Variants in FRMD6 observed in about 807,000 individuals in gnomAD.
FRMD6 encodes FERM domain-containing protein 6.
FRMD6 carries 37 observed loss-of-function variants against 73.2 expected under a neutral mutation model. The observed-to-expected ratio is 0.51, with a 90% CI of 0.39 to 0.66. The LOEUF (loss-of-function observed/expected upper bound fraction) is 0.66, where lower values mean the gene tolerates loss of function less well. Ranked by LOEUF, FRMD6 falls within the 30% of genes least tolerant of loss-of-function variation. The pLI, the probability that FRMD6 is intolerant of heterozygous loss-of-function variation, is 0.00. For missense variants in FRMD6, 714 were observed against 780.5 expected, an observed-to-expected ratio of 0.91 and a Z score of 1.02; for synonymous variants, 273 against 282.2, an observed-to-expected ratio of 0.97 and a Z score of 0.33.
At chr14:51,644,870 G>A (rs537214711) in intron 2 of FRMD6, among the ~76,000 whole-genome samples, 6 of 152,236 alleles carry the variant, frequency 3.9e-5, no homozygotes, top group East Asian at 1.9e-4. Context: ...GTATTTCCTC[G>A]CCCCCAGTCT....
At chr14:51,725,180 A>T (rs1394555663) in intron 12 of FRMD6, among the ~76,000 whole-genome samples, 2 of 152,160 alleles carry the variant, frequency 1.3e-5, no homozygotes, top group Admixed American at 1.3e-4. Flanking sequence ...GTAATTATTA[A>T]AACTAGCAGG....
At chr14:51,568,524 G>A (rs1360006564) in intron 1 of FRMD6, among the ~76,000 whole-genome samples, 1 of 152,198 alleles carries the variant, frequency 6.6e-6, no homozygotes, top group Non-Finnish European at 1.5e-5. Context: ...GAAACTTTTT[G>A]CCTTGTACTG....
chr14:51,667,080 G>C (rs12589454), intron 1 of FRMD6, among the ~76,000 whole-genome samples: 41,847 of 151,970 alleles, frequency 0.28, 6,512 homozygotes, highest in Non-Finnish European at 0.35. Flanking sequence ...GCTGCAGTGA[G>C]CTGTGATCAT....
intron 1 of FRMD6, among the ~76,000 whole-genome samples, chr14:51,546,373 A>G (rs1408992025): frequency 2.0e-5 from 3 of 147,710 alleles, no homozygotes; most frequent in Non-Finnish European, 4.5e-5. Context: ...TCCCAAAATC[A>G]TGTCTCTCAG....
the FRMD6 span, among the ~76,000 whole-genome samples, chr14:51,419,128 C>T: frequency 1.6e-4 from 24 of 152,312 alleles, no homozygotes; most frequent in Middle Eastern, 6.8e-3. Flanking sequence ...CAACTCCTTA[C>T]GCTTCCTGTG....
the FRMD6 span, among the ~76,000 whole-genome samples, chr14:51,464,924 C>T: frequency 6.6e-6 from 1 of 152,074 alleles, no homozygotes; most frequent in Admixed American, 6.5e-5. Context: ...AGGAGCCCTC[C>T]AGCATTAAAA....
At chr14:51,507,284 A>T (rs754053134) in intron 1 of FRMD6, among the ~76,000 whole-genome samples, 14 of 152,186 alleles carry the variant, frequency 9.2e-5, no homozygotes, top group Non-Finnish European at 1.8e-4. Flanking sequence ...AGTCCTCACA[A>T]CCCAGGGGGA....
chr14:51,708,862 G>T (rs1186956384), intron 7 of FRMD6, among the ~76,000 whole-genome samples: 1 of 152,110 alleles, frequency 6.6e-6, no homozygotes, highest in Admixed American at 6.6e-5. Flanking sequence ...GATAACATAG[G>T]CTGTGAGCCT....
At chr14:51,589,523 ACTC>A (rs1002773327) in intron 2 of FRMD6, among the ~76,000 whole-genome samples, 6 of 151,810 alleles carry the variant, frequency 4.0e-5, no homozygotes, top group African/African-American at 1.5e-4. Flanking sequence ...TTGGCCTCAC[ACTC>A]CTCATTTCAC....
At chr14:51,616,632 G>A (rs1262270519) in intron 2 of FRMD6, among the ~76,000 whole-genome samples, 3 of 152,118 alleles carry the variant, frequency 2.0e-5, no homozygotes, top group Admixed American at 2.0e-4. Flanking sequence ...ACTGGCCTGG[G>A]GTGGTAAAGA....
intron 1 of FRMD6, among the ~76,000 whole-genome samples, chr14:51,518,353 G>A (rs1469410394): frequency 6.6e-6 from 1 of 152,138 alleles, no homozygotes; most frequent in African/African-American, 2.4e-5. Context: ...GTAGGCAAGG[G>A]GATTTTTCTC....
chr14:51,615,163 T>G (rs913108384), intron 2 of FRMD6, among the ~76,000 whole-genome samples: 1 of 152,212 alleles, frequency 6.6e-6, no homozygotes, highest in Non-Finnish European at 1.5e-5. Context: ...GTCCAGCCTG[T>G]TCTAGCTGCT....
chr14:51,558,472 AAAACAAAAAACAAAAAAC>A (rs1405466198), intron 1 of FRMD6, among the ~76,000 whole-genome samples: 18 of 151,566 alleles, frequency 1.2e-4, no homozygotes, highest in Admixed American at 7.2e-4. Context: ...TCTCAAAAAA[AAAACAAAAAACAAAAAAC>A]AAAACTAAAT....
At chr14:51,560,611 A>T (rs577445839) in intron 1 of FRMD6, among the ~76,000 whole-genome samples, 2 of 152,290 alleles carry the variant, frequency 1.3e-5, no homozygotes, top group South Asian at 4.1e-4. Flanking sequence ...CAGCCTCCCA[A>T]GTAGCTGGGA....
chr14:51,412,447 G>A, the FRMD6 span, among the ~76,000 whole-genome samples: 1 of 152,018 alleles, frequency 6.6e-6, no homozygotes, highest in South Asian at 2.1e-4. Flanking sequence ...AATATAAAGA[G>A]GAAAGGGTGG....
the FRMD6 span, among the ~76,000 whole-genome samples, chr14:51,462,583 A>G: frequency 3.9e-5 from 6 of 152,142 alleles, no homozygotes; most frequent in African/African-American, 7.2e-5. Context: ...TCAAGAGGTG[A>G]GGGTTCCTGC....
chr14:51,666,402 C>T (rs1312317003), intron 1 of FRMD6, among the ~76,000 whole-genome samples: 1 of 152,010 alleles, frequency 6.6e-6, no homozygotes, highest in African/African-American at 2.4e-5. Flanking sequence ...ACTGTGATAC[C>T]TTCCCTTTTG....
the FRMD6 span, among the ~76,000 whole-genome samples, chr14:51,411,035 C>T: frequency 6.6e-6 from 1 of 152,078 alleles, no homozygotes; most frequent in Non-Finnish European, 1.5e-5. Context: ...GTTAGTTAAC[C>T]CCTGTCTTTG....
At chr14:51,721,586 A>G (rs945886234) in intron 11 of FRMD6, among the ~76,000 whole-genome samples, 2 of 141,378 alleles carry the variant, frequency 1.4e-5, no homozygotes, top group Non-Finnish European at 3.1e-5. Context: ...GCCTGGTGAC[A>G]GAGTGAGACT....
Sources: allele counts gnomAD v4.1 joint callset (sites outside exome capture counted in the v4.1 genomes callset), GRCh38; gene constraint gnomAD v4.1.1; transcripts MANE v1.5; gene names NCBI Gene and HGNC (gene_info 2026-07-23, HGNC 2026-07-21).